TRIM34: variants seen among roughly 807,000 people sequenced by gnomAD.
TRIM34 encodes E3 ubiquitin-protein ligase TRIM34.
TRIM34 carries 41 observed loss-of-function variants against 38.1 expected under a neutral mutation model. That is an observed-to-expected ratio of 1.08 (90% confidence interval 0.84 to 1.40). TRIM34 has a LOEUF of 1.40. Among genes scored for constraint, TRIM34 ranks in the 40% most tolerant of loss-of-function variants. The pLI is 0.00. For synonymous variants in TRIM34, 200 were observed against 202.5 expected, an observed-to-expected ratio of 0.99 and a Z score of 0.10; for missense variants, 556 against 571.4, an observed-to-expected ratio of 0.97 and a Z score of 0.27.
chr11:5,641,110 A>G (rs1849991880), intron 4 of TRIM34, 57 bp from the exon 5 acceptor site: 1 of 1,537,332 alleles, frequency 6.5e-7, no homozygotes, highest in East Asian at 2.3e-5. Context: ...TCTTTCTTTC[A>G]TTAGTCTTAC....
intron 1 of TRIM34, 79 bp from the exon 2 acceptor site, chr11:5,632,176 G>T: frequency 6.7e-7 from 1 of 1,502,842 alleles, no homozygotes; most frequent in Non-Finnish European, 8.9e-7. Context: ...TTGCAGTCTC[G>T]GCCAGTCTTT....
rs1467578942 is a variant in TRIM34 at position 5,642,414 on chromosome 11, T to G, written c.782T>G (p.Ile261Ser). 6.2e-7 allele frequency: 1 copy of G among 1,611,824 alleles called. No homozygotes were observed. The highest frequency in any genetic ancestry group is 1.3e-5 in the African/African-American group (1 of 74,648). The change falls in exon 6 of 8, where the codon ATC (isoleucine) becomes AGC (serine). Residue 261 changes from isoleucine (I) to serine (S), a missense_variant. Transcript: ENST00000429814. ...ATTTTTTTCATCCCTAGGAGTGAGA[T>G]CTGGAGGCTGAAAAAGCCAAAAATG... is the stretch of plus-strand genomic sequence containing the variant. ...DMSGIMKWSEIWRLKKPKMVS... is the reference protein window; with the variant it reads ...DMSGIMKWSESWRLKKPKMVS...
rs1279458042 is a variant in TRIM34, at chr11:5,632,598, C to T, written c.267C>T (p.Asp89=). The T allele has an allele frequency of 1.9e-6, 3 of 1,613,522 alleles. No homozygotes were observed. The highest frequency in any genetic ancestry group is 1.3e-5 in the African/African-American group (1 of 74,836). ...TCAAGGAGGTCAAGTTGAGCCCAGA[C>T]AATGGGAAGAAGAGAGATCTCTGTG... ...ERLKEVKLSP[D]NGKKRDLCDH... is the part of the protein sequence containing the mutation. The change falls in exon 2 of 8, where the codon GAC becomes GAT. Residue 89 remains aspartate (D), a synonymous_variant. Coordinates refer to ENST00000429814, the MANE Select transcript of TRIM34 (RefSeq NM_021616.6).
chr11:5,643,356 C>A lies in TRIM34; in HGVS notation c.1114C>A (p.Arg372Ser). 6.2e-7 allele frequency: 1 copy of A among 1,613,940 alleles called. No homozygotes were observed. Among genetic ancestry groups the A allele is most frequent in the African/African-American group, 1.3e-5 (1 of 74,986 alleles). The change falls in exon 8 of 8, where the codon CGC becomes AGC. Residue 372 changes from arginine (R) to serine (S), a missense_variant. Arg to Ser is a moderately radical substitution (Grantham distance 110). Coordinates refer to ENST00000429814, the MANE Select transcript of TRIM34 (RefSeq NM_021616.6). ...ILGVYCRTYSRHMKYVVRRCA... is the reference protein window; with the variant it reads ...ILGVYCRTYSSHMKYVVRRCA... ...GGGGGTATACTGTAGAACATATTCC[C>A]GCCATATGAAGTATGTTGTTAGAAG... is the stretch of plus-strand genomic sequence containing the variant.
chr11:5,639,371 C>T (rs1849885116), intron 4 of TRIM34, among the ~76,000 whole-genome samples: 2 of 152,110 alleles, frequency 1.3e-5, no homozygotes, highest in South Asian at 4.1e-4. Flanking sequence ...AAAACAGCAC[C>T]TATGTGTGAG....
In TRIM34 at chr11:5,639,635, G is replaced by A. The variant is rs568054596; in HGVS notation, c.751-1532G>A. ...GTGGAGGTTGCAGCGAGCCAAGTTC[G>A]CACCACTGCACTCCAGCCTGGGTGA... On this transcript the variant is annotated intron_variant, in intron 4 of 7. Transcript: ENST00000429814. Among the ~76,000 whole-genome samples, 8 of 123,242 alleles carry A rather than the reference G, an allele frequency of 6.5e-5. No individual in the cohort carries two copies. In the South Asian group the frequency reaches 1.6e-3, roughly 25 times the overall value. 80.9% of individuals were successfully genotyped at this position (123,242 alleles called of 152,430 possible).
intron 2 of TRIM34, 36 bp downstream of exon 2, chr11:5,632,790 T>G: frequency 6.6e-7 from 1 of 1,509,456 alleles, no homozygotes; most frequent in African/African-American, 1.4e-5. Flanking sequence ...GGGCAGAAGA[T>G]GGTAGTTGGT....
chr11:5,641,184 GAAA>G lies in TRIM34; in HGVS notation c.769_771del (p.Lys257del), dbSNP rs1209052156. ...CTTTCTAGGACATGAGTGGAATCAT[GAAA>G]TGGTGCGTATGGGTGGCCAGGAGTG... On this transcript the variant is annotated inframe_deletion and splice_region_variant, in exon 5 of 8. Coordinates refer to ENST00000429814, the MANE Select transcript of TRIM34 (RefSeq NM_021616.6). The G allele has an allele frequency of 1.2e-6, 2 of 1,613,578 alleles. No individual in the cohort carries two copies. The highest frequency in any genetic ancestry group is 1.7e-5 in the Admixed American group (1 of 59,972).
At chr11:5,621,533 T>G (rs10400328), upstream of TRIM34, among the ~76,000 whole-genome samples, 36,756 of 152,180 alleles carry the variant, frequency 0.24, 4,880 homozygotes, top group East Asian at 0.45. Flanking sequence ...ACAGCTCAGC[T>G]GAGAGTGAGG....
At chr11:5,631,593 G>A (rs1849483608) in intron 1 of TRIM34, among the ~76,000 whole-genome samples, 2 of 152,180 alleles carry the variant, frequency 1.3e-5, no homozygotes, top group South Asian at 4.1e-4. Flanking sequence ...AAGTCTGTGA[G>A]GGCATGGGAG....
chr11:5,637,034 G>A (rs1319603272), intron 4 of TRIM34, among the ~76,000 whole-genome samples: 3 of 152,154 alleles, frequency 2.0e-5, no homozygotes, highest in Non-Finnish European at 4.4e-5. Flanking sequence ...AAATTAGCTG[G>A]TGATGGCGGC....
chr11:5,632,822 CTT>C (rs878895848), intron 2 of TRIM34, 68 bp downstream of exon 2: 60,488 of 938,312 alleles, frequency 0.064, 1 homozygote, highest in East Asian at 0.089. Context: ...CCTTTTCATC[CTT>C]TTTTTTTTTT....
chr11:5,643,755 C>G lies in TRIM34; in HGVS notation c.*46C>G, dbSNP rs998223230. On this transcript the variant is annotated 3_prime_UTR_variant, in exon 8 of 8. Coordinates refer to ENST00000429814, the MANE Select transcript of TRIM34 (RefSeq NM_021616.6). Reference sequence around the variant, plus strand: ...ACAACCCTTTGTCTTGACTTATCTCCTGCAACTGACTCATCTGCAACATTC... The same window carrying G: ...ACAACCCTTTGTCTTGACTTATCTCGTGCAACTGACTCATCTGCAACATTC... 2.2e-5 allele frequency: 33 copies of G among 1,528,140 alleles called. No individual in the cohort carries two copies. The highest frequency in any genetic ancestry group is 2.8e-5 in the African/African-American group (2 of 71,946). 94.7% of individuals were successfully genotyped at this position (1,528,140 alleles called of 1,614,324 possible).
chr11:5,634,018 C>T (rs959684765), intron 3 of TRIM34, 119 bp downstream of exon 3: 16 of 1,072,720 alleles, frequency 1.5e-5, no homozygotes, highest in Non-Finnish European at 1.9e-5. Flanking sequence ...TTGATTAGTT[C>T]TCTTCTCTGT....
chr11:5,641,347 G>A (rs1850003885), intron 5 of TRIM34, 158 bp downstream of exon 5: 1 of 1,495,544 alleles, frequency 6.7e-7, no homozygotes, highest in Non-Finnish European at 9.0e-7. Context: ...GAGTATTTGA[G>A]TGTTCCGTAA....
intron 4 of TRIM34, among the ~76,000 whole-genome samples, chr11:5,640,836 C>G (rs1849974735): frequency 6.6e-6 from 1 of 151,998 alleles, no homozygotes; most frequent in Admixed American, 6.6e-5. Flanking sequence ...TGTTTTAGGC[C>G]TATTCATATT....
chr11:5,629,533 A>G (rs1849387443), intron 1 of TRIM34, among the ~76,000 whole-genome samples: 1 of 152,128 alleles, frequency 6.6e-6, no homozygotes, highest in African/African-American at 2.4e-5. Context: ...GAGAATTGGC[A>G]TTGTATCATC....
chr11:5,642,874 T>C (rs1179286275), intron 7 of TRIM34, 31 bp downstream of exon 7: 3 of 1,613,496 alleles, frequency 1.9e-6, no homozygotes, highest in Non-Finnish European at 2.5e-6. Flanking sequence ...AAATAACTGT[T>C]TTCCAATTAC....
rs1182630211 is a variant in TRIM34, at chr11:5,633,948, C to T, written c.519+49C>T. On this transcript the variant is annotated intron_variant, in intron 3 of 7. Transcript: ENST00000429814. ...TCTGAGACAGGAATCTTGACAGGAC[C>T]TTAATCCAAGGAGGCCTCGTCCTTT... is the stretch of plus-strand genomic sequence containing the variant. The T allele has an allele frequency of 3.1e-6, 5 of 1,601,384 alleles. No individual in the cohort carries two copies. The African/African-American group carries it at 4.0e-5, about 13-fold the overall frequency.
Sources: allele counts gnomAD v4.1 joint callset (sites outside exome capture counted in the v4.1 genomes callset), GRCh38; gene constraint gnomAD v4.1.1; transcripts MANE v1.5; gene names NCBI Gene and HGNC (gene_info 2026-07-23, HGNC 2026-07-21).